Variants in CGNL1 observed in about 807,000 individuals in gnomAD.
The protein encoded by CGNL1 is cingulin like 1.
A neutral mutation model predicts 141.2 loss-of-function variants in CGNL1; 132 were observed. The observed-to-expected ratio is 0.93, with a 90% confidence interval of 0.81 to 1.08. CGNL1 has a LOEUF of 1.08. CGNL1 is among the 50% of genes least tolerant of loss of function. The pLI is 0.00. For synonymous variants in CGNL1, 690 were observed against 622.1 expected (o/e 1.11, Z -1.63); for missense variants, 1,870 against 1,588.6 (o/e 1.18, Z -3.01).
At chr15:57,481,591 T>C (rs1162405875) in intron 8 of CGNL1, among the ~76,000 whole-genome samples, 10 of 152,234 alleles carry the variant, frequency 6.6e-5, no homozygotes, top group Admixed American at 6.5e-4. Context: ...ATTCACTCAT[T>C]GAAGGACTTA....
At position 57,543,685 on chromosome 15, in the gene CGNL1, G is replaced by A; in HGVS notation, c.3292-11G>A. On this transcript the variant is annotated splice_polypyrimidine_tract_variant and intron_variant, in intron 14 of 18. Transcript: ENST00000281282. Reference sequence around the variant, plus strand: ...CTTCTAACCTCTGGGCTTTTGTTCTGCTTGCTGTAGATGGAGCAGTTGAGG... The same window carrying A: ...CTTCTAACCTCTGGGCTTTTGTTCTACTTGCTGTAGATGGAGCAGTTGAGG... The A allele has an allele frequency of 6.2e-7, 1 of 1,610,878 alleles. No homozygotes were observed. Among genetic ancestry groups the A allele is most frequent in the Middle Eastern group, 1.7e-4 (1 of 6,058 alleles).
rs2063142689 is a variant in CGNL1, at chr15:57,438,792, C to G, written c.793C>G (p.His265Asp). 1.2e-6 allele frequency: 2 copies of G among 1,614,196 alleles called. No homozygotes were observed. The highest frequency in any genetic ancestry group is 2.7e-5 in the African/African-American group (2 of 75,050). The change falls in exon 2 of 19, where the codon CAC becomes GAC. Residue 265 changes from histidine to aspartate, a missense_variant. Transcript: ENST00000281282. ...RPLTAHSPHA[H>D]PETKKTRPDV... ...CCTGACTGCCCACAGCCCACATGCC[C>G]ACCCTGAAACCAAGAAAACCAGGCC...
At chr15:57,433,838 T>C (rs969312515) in intron 1 of CGNL1, among the ~76,000 whole-genome samples, 28 of 152,158 alleles carry the variant, frequency 1.8e-4, no homozygotes, top group African/African-American at 6.8e-4. Flanking sequence ...GCCCCAGCAA[T>C]GAAGTGGAAG....
intron 14 of CGNL1, among the ~76,000 whole-genome samples, chr15:57,535,396 G>A (rs953772189): frequency 1.7e-4 from 26 of 152,320 alleles, no homozygotes; most frequent in African/African-American, 5.8e-4. Context: ...GATTCAAGCA[G>A]CTAATGAGGG....
intron 8 of CGNL1, among the ~76,000 whole-genome samples, chr15:57,465,336 G>T (rs2063497763): frequency 6.7e-6 from 1 of 148,746 alleles, no homozygotes; most frequent in Non-Finnish European, 1.5e-5. Flanking sequence ...GATTTTTCCT[G>T]CCCCAGGGGG....
intron 14 of CGNL1, among the ~76,000 whole-genome samples, chr15:57,534,824 A>G (rs2032164471): frequency 6.6e-6 from 1 of 152,214 alleles, no homozygotes; most frequent in Non-Finnish European, 1.5e-5. Context: ...CACTGAAAAG[A>G]GAATGCATGG....
At chr15:57,521,399 A>G (rs2031245122) in intron 10 of CGNL1, among the ~76,000 whole-genome samples, 1 of 152,176 alleles carries the variant, frequency 6.6e-6, no homozygotes, top group East Asian at 1.9e-4. Flanking sequence ...AAGTACAGAC[A>G]CCCCATCCTT....
intron 8 of CGNL1, among the ~76,000 whole-genome samples, chr15:57,465,817 A>G (rs1318665323): frequency 6.6e-6 from 1 of 152,236 alleles, no homozygotes; most frequent in Non-Finnish European, 1.5e-5. Context: ...TAAAATAACC[A>G]GCACTTTATC....
chr15:57,523,776 C>A lies in CGNL1; in HGVS notation c.2868+135C>A, dbSNP rs1296430557. 8.3e-6 allele frequency: 7 copies of A among 841,764 alleles called. No individual in the cohort carries two copies. The Admixed American group carries it at 1.7e-4, about 20-fold the overall frequency. 52.1% of individuals were successfully genotyped at this position (841,764 alleles called of 1,614,324 possible). A position where few individuals can be genotyped will look rare whatever the true frequency, so the allele number is the denominator to read the frequency against. ...AAAAGTGTCAGGGATTTGCAGATCCCAAGAGGCAGCTCTTTGGATTTGTTG... is the reference window on the plus strand; with the variant it reads ...AAAAGTGTCAGGGATTTGCAGATCCAAAGAGGCAGCTCTTTGGATTTGTTG... On this transcript the variant is annotated intron_variant, in intron 11 of 18. Coordinates refer to ENST00000281282, the MANE Select transcript of CGNL1 (RefSeq NM_032866.5).
intron 1 of CGNL1, among the ~76,000 whole-genome samples, chr15:57,412,864 CTTTTTT>C (rs1220932365): frequency 6.6e-6 from 1 of 151,566 alleles, no homozygotes; most frequent in Non-Finnish European, 1.5e-5. Flanking sequence ...ATCTCAGTTT[CTTTTTT>C]TTTCTTTTTG....
rs138352083 is a variant in CGNL1 at position 57,547,411 on chromosome 15, G to A, written c.3830G>A (p.Ser1277Asn). 6.2e-7 allele frequency: 1 copy of A among 1,614,102 alleles called. No homozygotes were observed. The highest frequency in any genetic ancestry group is 1.3e-5 in the African/African-American group (1 of 74,946). Residue 1277 changes from serine to asparagine, a missense_variant, in exon 19 of 19, where the codon AGC becomes AAC. Coordinates refer to ENST00000281282, the MANE Select transcript of CGNL1 (RefSeq NM_032866.5). ...LDDMDDDDDL[S>N]TDGGSLYEAP... is the part of the protein sequence containing the mutation. ...GACATGGATGACGACGATGACCTCA[G>A]CACGGATGGGGGAAGCCTCTATGAG... is the stretch of plus-strand genomic sequence containing the variant.
chr15:57,382,260 C>T (rs2062433081), intron 1 of CGNL1, among the ~76,000 whole-genome samples: 1 of 152,156 alleles, frequency 6.6e-6, no homozygotes, highest in Non-Finnish European at 1.5e-5. Flanking sequence ...AATGAATGTT[C>T]ATTACTACAA....
intron 8 of CGNL1, among the ~76,000 whole-genome samples, chr15:57,476,678 C>A (rs1018225144): frequency 2.0e-5 from 3 of 152,154 alleles, no homozygotes; most frequent in Non-Finnish European, 2.9e-5. Flanking sequence ...TGGGCCAGAA[C>A]AAGTCCAAGT....
intron 8 of CGNL1, among the ~76,000 whole-genome samples, chr15:57,468,429 A>G (rs556396719): frequency 6.6e-6 from 1 of 151,360 alleles, no homozygotes; most frequent in East Asian, 2.0e-4. Flanking sequence ...ACAGGGTTTT[A>G]CCACGTTGCT....
intron 14 of CGNL1, among the ~76,000 whole-genome samples, chr15:57,538,861 C>T (rs2032409865): frequency 6.6e-6 from 1 of 152,138 alleles, no homozygotes; most frequent in Admixed American, 6.5e-5. Context: ...GTCCTAGGTC[C>T]TACAGGTTTG....
rs138456182 is a variant in CGNL1 at position 57,382,130 on chromosome 15, C to T, written c.-16+5563C>T. On this transcript the variant is annotated intron_variant, in intron 1 of 18. Transcript: ENST00000281282. ...ATCCAATTCCTGTTTATGTGGTACT[C>T]GCGACAAAAACAAAACTTTGCTGCA... Among the ~76,000 whole-genome samples the T allele has an allele frequency of 3.3e-4, 50 of 152,178 alleles. 1 individual carries two copies. Among genetic ancestry groups the T allele is most frequent in the African/African-American group, 1.2e-3 (48 of 41,528 alleles).
At position 57,424,611 on chromosome 15, in the gene CGNL1, G is replaced by T. The variant is rs951853912; in HGVS notation, c.-15-13374G>T. Among the ~76,000 whole-genome samples the T allele has an allele frequency of 3.3e-5, 5 of 152,150 alleles. 1 individual carries two copies. The highest frequency in any genetic ancestry group is 3.3e-4 in the Admixed American group (5 of 15,278). ...CATTCCAGTGTCTGTGTTTTTAATG[G>T]TTTGGGTATCGGGTTATATTATTGT... On this transcript the variant is annotated intron_variant, in intron 1 of 18. Transcript: ENST00000281282.
intron 1 of CGNL1, among the ~76,000 whole-genome samples, chr15:57,398,651 G>T (rs1333163385): frequency 1.3e-5 from 2 of 152,170 alleles, no homozygotes; most frequent in Non-Finnish European, 2.9e-5. Context: ...TAATAACTGA[G>T]CATGTTGGAA....
At chr15:57,395,620 T>C (rs1210692355) in intron 1 of CGNL1, among the ~76,000 whole-genome samples, 1 of 152,256 alleles carries the variant, frequency 6.6e-6, no homozygotes, top group Non-Finnish European at 1.5e-5. Context: ...AAGTAAGACA[T>C]GAGTAGAACT....
Sources: gnomAD v4.1 joint callset for allele counts (sites outside exome capture counted in the v4.1 genomes callset) on GRCh38, gnomAD v4.1.1 for gene constraint, MANE v1.5 for transcripts, NCBI Gene and HGNC (gene_info 2026-07-23, HGNC 2026-07-21) for gene names.